Variants in SLC26A7 observed in about 807,000 individuals in gnomAD.
The protein encoded by SLC26A7 is anion exchange transporter.
In SLC26A7, 59 loss-of-function variants were observed where a neutral mutation model predicts 82.5. The ratio of observed to expected loss-of-function variants is 0.72; its 90% CI spans 0.58 to 0.89. SLC26A7 has a LOEUF of 0.89. Ranked by LOEUF, SLC26A7 falls within the 40% of genes least tolerant of loss-of-function variation. The pLI is 0.00. For synonymous variants in SLC26A7, 271 were observed against 274.3 expected (o/e 0.99, Z 0.12); for missense variants, 820 against 793.0 (o/e 1.03, Z -0.41).
intron 9 of SLC26A7, among the ~76,000 whole-genome samples, chr8:91,350,010 A>G (rs974782043): frequency 6.6e-5 from 10 of 152,276 alleles, no homozygotes; most frequent in African/African-American, 1.9e-4. Context: ...AATGATCAGG[A>G]TAGTGACAAT....
rs745419934 is a variant in SLC26A7 at position 91,395,059 on chromosome 8, C to G, written c.1936-3C>G. On this transcript the variant is annotated splice_region_variant and splice_polypyrimidine_tract_variant and intron_variant, in intron 18 of 18. Coordinates refer to ENST00000276609, the MANE Select transcript of SLC26A7 (RefSeq NM_052832.4). ...ATACTTACTTCTTCCTCTGGTATTT[C>G]AGAATTTGAGCAAACTCAGTGACCA... is the stretch of plus-strand genomic sequence containing the variant. The G allele has an allele frequency of 6.2e-7, 1 of 1,613,336 alleles. No homozygotes were observed. The highest frequency in any genetic ancestry group is 8.5e-7 in the Non-Finnish European group (1 of 1,179,336).
Position 91,276,426 on chromosome 8 carries a change from A to G in SLC26A7, c.194-12710A>G, listed in dbSNP as rs1005043025. On this transcript the variant is annotated intron_variant, in intron 2 of 18. Coordinates refer to ENST00000276609, the MANE Select transcript of SLC26A7 (RefSeq NM_052832.4). ...AGTCATTGATTTTTAGTGTGGCGCT[A>G]TGAGCCTCATTTTTGTTTATAAATC... Among the ~76,000 whole-genome samples, 12 of 152,176 alleles carry G rather than the reference A, an allele frequency of 7.9e-5. 1 individual carries two copies. The highest frequency in any genetic ancestry group is 7.9e-4 in the Admixed American group (12 of 15,266).
chr8:91,228,745 CT>C (rs1810273297), intron 2 of SLC26A7, among the ~76,000 whole-genome samples: 1 of 152,120 alleles, frequency 6.6e-6, no homozygotes, highest in Non-Finnish European at 1.5e-5. Flanking sequence ...CCTGTGATTT[CT>C]TTCTGGTGTG....
intron 2 of SLC26A7, among the ~76,000 whole-genome samples, chr8:91,235,812 T>C (rs1183421896): frequency 6.6e-6 from 1 of 152,190 alleles, no homozygotes; most frequent in East Asian, 1.9e-4. Context: ...TAACCATCTT[T>C]TGACCATTAG....
At chr8:91,225,561 A>ATTT (rs893654824) in intron 2 of SLC26A7, among the ~76,000 whole-genome samples, 1 of 66,958 alleles carries the variant, frequency 1.5e-5, no homozygotes, top group Non-Finnish European at 3.0e-5. Flanking sequence ...GCTTATTATG[A>ATTT]TTTTTTTTTT....
At chr8:91,328,168 TA>T (rs1177352275) in intron 5 of SLC26A7, among the ~76,000 whole-genome samples, 1 of 152,108 alleles carries the variant, frequency 6.6e-6, no homozygotes, top group African/African-American at 2.4e-5. Context: ...TAAGAGTGGA[TA>T]AACTTTGGAT....
chr8:91,250,432 A>C (rs1380488887), intron 2 of SLC26A7, among the ~76,000 whole-genome samples: 2 of 152,118 alleles, frequency 1.3e-5, no homozygotes, highest in African/African-American at 4.8e-5. Context: ...TAAGATATTT[A>C]AACTGGTGAG....
rs144917144 is a variant in SLC26A7 at position 91,266,446 on chromosome 8, A to G, written c.193+16602A>G. Among the ~76,000 whole-genome samples the G allele has an allele frequency of 1.1e-4, 16 of 151,922 alleles. No homozygotes were observed. The East Asian group carries it at 2.9e-3, about 28-fold the overall frequency. On this transcript the variant is annotated intron_variant, in intron 2 of 18. Transcript: ENST00000276609. The stretch of plus-strand genomic sequence containing the variant: ...AGTTTTTGTTGTAGAGATCTTTCCC[A>G]TCCTTGGTTATATTTATTCCTAGGT...
At chr8:91,350,342 G>A (rs1242338433) in intron 9 of SLC26A7, among the ~76,000 whole-genome samples, 1 of 151,356 alleles carries the variant, frequency 6.6e-6, no homozygotes, top group African/African-American at 2.4e-5. Flanking sequence ...TCTCTTCCCA[G>A]GTTTCTTTTT....
Position 91,363,539 on chromosome 8 carries a change from G to GT in SLC26A7, c.1488+2dup, listed in dbSNP as rs1563700528. 2 of 1,461,628 alleles carry GT rather than the reference G, an allele frequency of 1.4e-6. No individual in the cohort carries two copies. Among genetic ancestry groups the GT allele is most frequent in the Non-Finnish European group, 1.9e-6 (2 of 1,068,028 alleles). 90.5% of individuals were successfully genotyped at this position (1,461,628 alleles called of 1,614,324 possible). A position where few individuals can be genotyped will look rare whatever the true frequency, so the allele number is the denominator to read the frequency against. On this transcript the variant is annotated splice_donor_variant, in intron 13 of 18. Coordinates refer to ENST00000276609, the MANE Select transcript of SLC26A7 (RefSeq NM_052832.4). LOFTEE classifies it high-confidence loss of function. ...TAAAGTGAAGACAGAAATGGACAGTGTAAGTTTAGTTTTATTTTTCCTTTA... is the reference window on the plus strand; with the variant it reads ...TAAAGTGAAGACAGAAATGGACAGTGTTAAGTTTAGTTTTATTTTTCCTTTA...
chr8:91,363,941 GTTT>G (rs5893169), intron 13 of SLC26A7, among the ~76,000 whole-genome samples: 79 of 135,692 alleles, frequency 5.8e-4, no homozygotes, highest in Admixed American at 4.5e-3. Context: ...TCATGGTATT[GTTT>G]TTTTTTTTTT....
At chr8:91,253,518 C>G (rs1210774757) in intron 2 of SLC26A7, among the ~76,000 whole-genome samples, 1 of 152,062 alleles carries the variant, frequency 6.6e-6, no homozygotes, top group East Asian at 1.9e-4. Flanking sequence ...AGAATAATCA[C>G]AAAAATCTGA....
intron 15 of SLC26A7, among the ~76,000 whole-genome samples, chr8:91,376,289 A>C (rs1044050755): frequency 2.6e-5 from 4 of 151,994 alleles, no homozygotes; most frequent in Non-Finnish European, 5.9e-5. Flanking sequence ...GTGTCAAGAC[A>C]CTCTGTCTTT....
At chr8:91,261,001 A>G (rs1810948517) in intron 2 of SLC26A7, among the ~76,000 whole-genome samples, 1 of 152,098 alleles carries the variant, frequency 6.6e-6, no homozygotes, top group Non-Finnish European at 1.5e-5. Context: ...CTGATATTGT[A>G]AACTAGACAG....
intron 1 of SLC26A7, among the ~76,000 whole-genome samples, chr8:91,215,014 C>T (rs751943353): frequency 6.6e-6 from 1 of 151,944 alleles, no homozygotes; most frequent in Non-Finnish European, 1.5e-5. Context: ...CTGATCTAGG[C>T]CTTCTCATAT....
intron 8 of SLC26A7, among the ~76,000 whole-genome samples, chr8:91,341,965 G>A (rs189218753): frequency 6.6e-6 from 1 of 152,020 alleles, no homozygotes; most frequent in African/African-American, 2.4e-5. Context: ...ACCTCACTCT[G>A]TTGGCCAGGC....
chr8:91,368,397 G>T (rs760201459), intron 14 of SLC26A7, among the ~76,000 whole-genome samples: 43 of 151,268 alleles, frequency 2.8e-4, no homozygotes, highest in African/African-American at 1.0e-3. Context: ...CTTTTGCAAG[G>T]GAGATTTCAG....
upstream of SLC26A7, among the ~76,000 whole-genome samples, chr8:91,247,934 T>C (rs113065940): frequency 0.014 from 2,056 of 152,292 alleles, 32 homozygotes; most frequent in African/African-American, 0.047. Flanking sequence ...AATCAGTGTA[T>C]GTATAGCTTC....
chr8:91,300,731 CTG>C (rs1238776570), intron 4 of SLC26A7, among the ~76,000 whole-genome samples: 1 of 152,186 alleles, frequency 6.6e-6, no homozygotes, highest in Non-Finnish European at 1.5e-5. Context: ...AATCATATGA[CTG>C]GTGATTTCTC....
Sources: allele counts gnomAD v4.1 joint callset (sites outside exome capture counted in the v4.1 genomes callset), GRCh38; gene constraint gnomAD v4.1.1; transcripts MANE v1.5; gene names NCBI Gene and HGNC (gene_info 2026-07-23, HGNC 2026-07-21).